The following DCDC1 variants were observed in gnomAD, a reference collection of about 807,000 sequenced individuals.
DCDC1 encodes the protein doublecortin domain-containing protein 1.
A neutral mutation model predicts 178.3 loss-of-function variants in DCDC1; 200 were observed. The ratio of observed to expected loss-of-function variants is 1.12; its 90% confidence interval spans 1.00 to 1.26. The LOEUF is 1.26. Among genes scored for constraint, DCDC1 ranks in the 50% most tolerant of loss-of-function variants. The pLI is 0.00. For synonymous variants in DCDC1, 690 were observed against 604.8 expected, an observed-to-expected ratio of 1.14 and a Z score of -2.07; for missense variants, 1,983 against 1,749.2, an observed-to-expected ratio of 1.13 and a Z score of -2.38.
chr11:30,969,231 A>G (rs1949643683), intron 20 of DCDC1, among the ~76,000 whole-genome samples: 1 of 152,206 alleles, frequency 6.6e-6, no homozygotes, highest in African/African-American at 2.4e-5. Context: ...ATTTTGAAAT[A>G]GGTAGATTTC....
intron 20 of DCDC1, among the ~76,000 whole-genome samples, chr11:31,041,212 T>C (rs978362836): frequency 9.2e-5 from 14 of 152,312 alleles, no homozygotes; most frequent in Admixed American, 5.2e-4. Flanking sequence ...TTTTAAATGC[T>C]TGTATTCTCA....
chr11:31,361,114 T>C (rs1478092378), intron 1 of DCDC1, among the ~76,000 whole-genome samples: 11 of 152,192 alleles, frequency 7.2e-5, no homozygotes, highest in Admixed American at 3.9e-4. Flanking sequence ...AAAAAGTTCA[T>C]CTGTGAAGGC....
intron 11 of DCDC1, among the ~76,000 whole-genome samples, chr11:31,112,858 C>T (rs1238638001): frequency 1.3e-5 from 2 of 152,078 alleles, no homozygotes; most frequent in South Asian, 2.1e-4. Context: ...CAAATATTTA[C>T]TGAGTGCCTA....
intron 9 of DCDC1, among the ~76,000 whole-genome samples, chr11:31,223,003 A>T (rs1309913289): frequency 2.0e-5 from 3 of 152,222 alleles, no homozygotes; most frequent in Non-Finnish European, 4.4e-5. Flanking sequence ...AATAAAAACA[A>T]TAAACTATGT....
At chr11:31,235,143 T>TG (rs1976293885) in intron 9 of DCDC1, among the ~76,000 whole-genome samples, 1 of 151,996 alleles carries the variant, frequency 6.6e-6, no homozygotes, top group African/African-American at 2.4e-5. Context: ...TAAATATAAG[T>TG]GGGGATATAA....
At chr11:30,956,669 A>G (rs948583733) in intron 20 of DCDC1, among the ~76,000 whole-genome samples, 1 of 152,066 alleles carries the variant, frequency 6.6e-6, no homozygotes, top group Non-Finnish European at 1.5e-5. Context: ...TTACTGGTCA[A>G]CCATTTCTTT....
At chr11:31,345,125 T>C (rs1423573052) in intron 1 of DCDC1, among the ~76,000 whole-genome samples, 4 of 152,192 alleles carry the variant, frequency 2.6e-5, no homozygotes, top group African/African-American at 9.7e-5. Flanking sequence ...TTTCTACACT[T>C]ATAACCTTAT....
intron 6 of DCDC1, 110 bp from the exon 7 acceptor site, chr11:31,290,962 AT>A: frequency 1.0e-6 from 1 of 955,558 alleles, no homozygotes; most frequent in Non-Finnish European, 1.5e-6. Flanking sequence ...GCCAGTCTCC[AT>A]TTAGATGCTG....
intron 9 of DCDC1, among the ~76,000 whole-genome samples, chr11:31,213,106 T>TCTCTCTCTCTCC (rs1972874786): frequency 1.3e-3 from 27 of 21,034 alleles, no homozygotes; most frequent in African/African-American, 3.9e-3. Context: ...CCAGCCTCTC[T>TCTCTCTCTCTCC]CTCTCTCTCT....
intron 36 of DCDC1, chr11:30,883,347 G>C (rs898123272): frequency 1.2e-5 from 3 of 252,438 alleles, no homozygotes; most frequent in Admixed American, 5.7e-5. Flanking sequence ...AAGTGTATGA[G>C]AGAGAAAAGT....
intron 7 of DCDC1, among the ~76,000 whole-genome samples, chr11:31,281,987 T>C (rs1946469596): frequency 6.6e-6 from 1 of 152,168 alleles, no homozygotes; most frequent in Admixed American, 6.6e-5. Flanking sequence ...TATTGTTGGA[T>C]TTGACTTGTT....
chr11:30,934,644 T>C (rs1173808773), intron 21 of DCDC1, among the ~76,000 whole-genome samples: 1 of 152,154 alleles, frequency 6.6e-6, no homozygotes, highest in South Asian at 2.1e-4. Flanking sequence ...CAGAGTCTTA[T>C]AGGTCTCATT....
chr11:31,074,505 C>G (rs1956753635), intron 18 of DCDC1, among the ~76,000 whole-genome samples: 1 of 152,122 alleles, frequency 6.6e-6, no homozygotes, highest in Non-Finnish European at 1.5e-5. Flanking sequence ...TCTGTCCCTT[C>G]TACCATGTGA....
chr11:31,270,578 A>T (rs2137160371), intron 7 of DCDC1, among the ~76,000 whole-genome samples: 1 of 152,250 alleles, frequency 6.6e-6, no homozygotes, highest in African/African-American at 2.4e-5. Flanking sequence ...CTAGACCCAC[A>T]ACCTCTTTTA....
In DCDC1 at chr11:30,916,918, T is replaced by G. The variant is rs1164465715; in HGVS notation, c.3404A>C (p.Lys1135Thr). The change falls in exon 26 of 39, where the codon AAA becomes ACA. Residue 1135 changes from lysine to threonine, a missense_variant. Physicochemically the swap from Lys to Thr is moderately conservative, Grantham distance 78 (BLOSUM62 -1). Transcript: ENST00000684477. Reference protein sequence around the residue: ...DFDEDDSLPKKTEKGLFENVE... With the variant: ...DFDEDDSLPKTTEKGLFENVE... ...ATTTTCAAAGAGCCCTTTTTCCGTT[T>G]TCTTTGGAAGACTGTCATCCTCATC... is the stretch of plus-strand genomic sequence containing the variant. 1 of 1,609,806 alleles carries G rather than the reference T, an allele frequency of 6.2e-7. No homozygotes were observed. The highest frequency in any genetic ancestry group is 8.5e-7 in the Non-Finnish European group (1 of 1,178,184).
intron 20 of DCDC1, among the ~76,000 whole-genome samples, chr11:31,039,232 T>C (rs1954280472): frequency 6.6e-6 from 1 of 152,200 alleles, no homozygotes; most frequent in Non-Finnish European, 1.5e-5. Flanking sequence ...GGTTTTTGTT[T>C]TGTTTTAAGT....
At chr11:31,032,905 C>T (rs574368276) in intron 20 of DCDC1, among the ~76,000 whole-genome samples, 1 of 152,222 alleles carries the variant, frequency 6.6e-6, no homozygotes, top group South Asian at 2.1e-4. Flanking sequence ...TCAACTCCTG[C>T]AATTTAGTGG....
At chr11:31,011,167 TA>T (rs1050210529) in intron 20 of DCDC1, among the ~76,000 whole-genome samples, 1 of 151,958 alleles carries the variant, frequency 6.6e-6, no homozygotes, top group Admixed American at 6.6e-5. Flanking sequence ...ATTGAGCAAT[TA>T]AAAAAAATCT....
intron 1 of DCDC1, among the ~76,000 whole-genome samples, chr11:31,343,991 T>C (rs1054613244): frequency 2.0e-5 from 3 of 152,122 alleles, no homozygotes; most frequent in Admixed American, 6.6e-5. Context: ...GGATTAGTTA[T>C]ATAAGTGTGA....
Sources: allele counts gnomAD v4.1 joint callset (sites outside exome capture counted in the v4.1 genomes callset), GRCh38; gene constraint gnomAD v4.1.1; transcripts MANE v1.5; gene names NCBI Gene and HGNC (gene_info 2026-07-23, HGNC 2026-07-21).